The following PTK7 variants were observed in gnomAD, a reference collection of about 807,000 sequenced individuals.
PTK7 encodes the protein protein tyrosine kinase 7 (inactive), also known as inactive tyrosine-protein kinase 7.
A neutral mutation model predicts 116.6 loss-of-function variants in PTK7; 39 were observed. The observed-to-expected ratio is 0.33, with a 90% confidence interval of 0.26 to 0.44. PTK7 has a LOEUF of 0.44. PTK7 is among the 20% of genes least tolerant of loss of function. PTK7 has a pLI of 1.00. For missense variants in PTK7, 1,169 were observed against 1,425.6 expected, an observed-to-expected ratio of 0.82 and a Z score of 2.90; for synonymous variants, 546 against 563.6, an observed-to-expected ratio of 0.97 and a Z score of 0.44.
At chr6:43,117,943 A>C (rs1768656019) in intron 1 of PTK7, among the ~76,000 whole-genome samples, 1 of 151,848 alleles carries the variant, frequency 6.6e-6, no homozygotes, top group Admixed American at 6.6e-5. Flanking sequence ...CCAAAAAAAA[A>C]AACGAAAGAA....
At chr6:43,095,708 C>G (rs986011221) in intron 1 of PTK7, among the ~76,000 whole-genome samples, 1 of 152,144 alleles carries the variant, frequency 6.6e-6, no homozygotes, top group Admixed American at 6.6e-5. Context: ...TGGGGAAGAA[C>G]AGCATTGAAA....
chr6:43,157,326 CTATATATATATA>C (rs376896300), intron 17 of PTK7, among the ~76,000 whole-genome samples: 5 of 22,006 alleles, frequency 2.3e-4, no homozygotes, highest in African/African-American at 6.9e-4. Flanking sequence ...GACACACACG[CTATATATATATA>C]TATATATATA....
At chr6:43,109,001 C>T (rs1192790609) in intron 1 of PTK7, among the ~76,000 whole-genome samples, 1 of 152,172 alleles carries the variant, frequency 6.6e-6, no homozygotes, top group Admixed American at 6.5e-5. Context: ...TACTGATTTT[C>T]AAAATAATGA....
chr6:43,122,971 A>G (rs1318624537), intron 1 of PTK7, among the ~76,000 whole-genome samples: 1 of 151,782 alleles, frequency 6.6e-6, no homozygotes, highest in Non-Finnish European at 1.5e-5. Context: ...TGGCTGATTG[A>G]CTTGGGGTGT....
At chr6:43,124,599 C>T (rs1198196466) in intron 1 of PTK7, among the ~76,000 whole-genome samples, 4 of 151,722 alleles carry the variant, frequency 2.6e-5, no homozygotes, top group Non-Finnish European at 5.9e-5. Context: ...TCACTTGAGC[C>T]CTGGAGGTCA....
intron 1 of PTK7, among the ~76,000 whole-genome samples, chr6:43,125,518 T>A (rs1769238634): frequency 6.6e-6 from 1 of 152,166 alleles, no homozygotes; most frequent in African/African-American, 2.4e-5. Flanking sequence ...TCAGGGCCCC[T>A]TCCCCTCTAT....
intron 1 of PTK7, among the ~76,000 whole-genome samples, chr6:43,100,415 A>T (rs1436230965): frequency 2.7e-5 from 4 of 145,488 alleles, no homozygotes; most frequent in African/African-American, 5.3e-5. Context: ...GGTTTTTTTA[A>T]AAAAAAATGA....
chr6:43,090,210 G>T (rs1232402819), intron 1 of PTK7, among the ~76,000 whole-genome samples: 3 of 152,218 alleles, frequency 2.0e-5, no homozygotes, highest in Admixed American at 2.0e-4. Context: ...AGGTGGCACC[G>T]CTCTCTGCCC....
chr6:43,097,804 G>C (rs1000559699), intron 1 of PTK7, among the ~76,000 whole-genome samples: 3 of 152,190 alleles, frequency 2.0e-5, no homozygotes, highest in African/African-American at 2.4e-5. Flanking sequence ...TGTGTTCTCT[G>C]TTCACCACCA....
intron 1 of PTK7, among the ~76,000 whole-genome samples, chr6:43,120,905 C>G (rs955181478): frequency 6.6e-6 from 1 of 152,102 alleles, no homozygotes. Flanking sequence ...ATTGCTACTT[C>G]CTAAGAGACT....
chr6:43,151,703 AT>A (rs1159260114), intron 17 of PTK7, among the ~76,000 whole-genome samples: 3 of 144,142 alleles, frequency 2.1e-5, no homozygotes, highest in East Asian at 2.1e-4. Context: ...TGCCCGGCTA[AT>A]TTTTTTGTAT....
At chr6:43,096,550 A>G (rs1329319346) in intron 1 of PTK7, among the ~76,000 whole-genome samples, 1 of 152,150 alleles carries the variant, frequency 6.6e-6, no homozygotes. Context: ...TTTCCTGCTC[A>G]CACTTTCCTC....
chr6:43,150,646 A>G (rs1252810177), intron 17 of PTK7, among the ~76,000 whole-genome samples: 4 of 152,084 alleles, frequency 2.6e-5, no homozygotes, highest in Admixed American at 2.6e-4. Flanking sequence ...AGGTTGGACA[A>G]TGCCCTGGGA....
In PTK7 at chr6:43,103,395, CTTA is replaced by C. The variant is rs548357652; in HGVS notation, c.80-25579_80-25577del. Among the ~76,000 whole-genome samples the C allele has an allele frequency of 2.9e-3, 440 of 152,170 alleles. 12 individuals are homozygous for C. Among genetic ancestry groups the C allele is most frequent in the Admixed American group, 0.026 (401 of 15,258 alleles). On this transcript the variant is annotated intron_variant, in intron 1 of 19. Transcript: ENST00000230419. ...GCTTTAATCTGAAGTGGATAAATGT[CTTA>C]TTCATCCTTGAGTTAGGCAGACTTA...
At position 43,145,005 on chromosome 6, in the gene PTK7, A is replaced by C. The variant is rs1271921490; in HGVS notation, c.2408-195A>C. 2.1e-6 allele frequency: 1 copy of C among 486,474 alleles called. No homozygotes were observed. Among genetic ancestry groups the C allele is most frequent in the East Asian group, 3.1e-5 (1 of 32,592 alleles). The allele number at this position is 486,474 out of a possible 1,614,324, so 30.1% of individuals were successfully genotyped here. A position where few individuals can be genotyped will look rare whatever the true frequency, so the allele number is the denominator to read the frequency against. On this transcript the variant is annotated intron_variant, in intron 15 of 19. Transcript: ENST00000230419. This position sits in a 1 kb window ranked among gnomAD's most constrained non-coding sequence, Gnocchi z 4.8. Reference sequence around the variant, plus strand: ...CGAGTCACCCTTTGGAAAATGCTGAATATTAGTCCCACCCTTTTATTTTGT... The same window carrying C: ...CGAGTCACCCTTTGGAAAATGCTGACTATTAGTCCCACCCTTTTATTTTGT...
chr6:43,142,615 C>A, intron 13 of PTK7: 1 of 448,224 alleles, frequency 2.2e-6, no homozygotes, highest in South Asian at 2.0e-5. Context: ...GGAGGAGGAC[C>A]AGGTCAGAAT....
rs778174652 is a variant in PTK7 at position 43,129,108 on chromosome 6, C to G, written c.211C>G (p.Pro71Ala). 6.2e-7 allele frequency: 1 copy of G among 1,614,198 alleles called. No homozygotes were observed. Among genetic ancestry groups the G allele is most frequent in the South Asian group, 1.1e-5 (1 of 91,088 alleles). The change falls in exon 2 of 20, where the codon CCT becomes GCT. Residue 71 changes from proline to alanine, a missense_variant. Coordinates refer to ENST00000230419, the MANE Select transcript of PTK7 (RefSeq NM_002821.5). The surrounding 1 kb of genome is among the most constrained non-coding windows in gnomAD (Gnocchi z 4.5). ...VHVYWLLDGA[P>A]VQDTERRFAQ... ...TGTGTACTGGCTGCTCGATGGGGCC[C>G]CTGTCCAGGACACGGAGCGGCGTTT...
intron 1 of PTK7, among the ~76,000 whole-genome samples, chr6:43,089,932 C>T (rs552131661): frequency 9.2e-5 from 14 of 152,226 alleles, no homozygotes; most frequent in Non-Finnish European, 2.1e-4. Context: ...TTTGTTACTG[C>T]CTATGTAAGA....
chr6:43,141,301 A>G lies in PTK7; in HGVS notation c.1619-367A>G, dbSNP rs151161043. Reference sequence around the variant, plus strand: ...GCTCCCTCTGCTCAGGTCTGGGGGAACTTTCTGGGAGAGGTGAGGCTTAAA... The same window carrying G: ...GCTCCCTCTGCTCAGGTCTGGGGGAGCTTTCTGGGAGAGGTGAGGCTTAAA... On this transcript the variant is annotated intron_variant, in intron 10 of 19. Coordinates refer to ENST00000230419, the MANE Select transcript of PTK7 (RefSeq NM_002821.5). This position sits in a 1 kb window ranked among gnomAD's most constrained non-coding sequence, Gnocchi z 4.9. Among the ~76,000 whole-genome samples, 124 of 152,198 alleles carry G rather than the reference A, an allele frequency of 8.1e-4. No homozygotes were observed. The highest frequency in any genetic ancestry group is 2.9e-3 in the African/African-American group (119 of 41,542).
Sources: allele counts gnomAD v4.1 joint callset (sites outside exome capture counted in the v4.1 genomes callset), GRCh38; gene constraint gnomAD v4.1.1; non-coding constraint Gnocchi (gnomAD v3.1); transcripts MANE v1.5; gene names NCBI Gene and HGNC (gene_info 2026-07-23, HGNC 2026-07-21).